Variants in PDE4A observed in about 807,000 individuals in gnomAD.
PDE4A encodes phosphodiesterase 4A.
A neutral mutation model predicts 73.9 loss-of-function variants in PDE4A; 21 were observed. That is an observed-to-expected ratio of 0.28 (90% CI 0.20 to 0.41). The LOEUF (loss-of-function observed/expected upper bound fraction) is 0.41, where lower values mean the gene tolerates loss of function less well. PDE4A is among the 10% of genes least tolerant of loss of function. The probability of loss-of-function intolerance (pLI) is 1.00; values close to 1 mark genes in which losing one functional copy is unlikely to be tolerated. For synonymous variants in PDE4A, 463 were observed against 505.4 expected, an observed-to-expected ratio of 0.92 and a Z score of 1.13; for missense variants, 958 against 1,211.4, an observed-to-expected ratio of 0.79 and a Z score of 3.10.
At position 10,457,739 on chromosome 19, in the gene PDE4A, G is replaced by A. The variant is rs2043194096; in HGVS notation, c.878-140G>A. Reference sequence around the variant, plus strand: ...ATCCCCTCTGGTTTCCTGACTCTGAGTAGCCAGCGGCATCACAGCTGAAAG... The same window carrying A: ...ATCCCCTCTGGTTTCCTGACTCTGAATAGCCAGCGGCATCACAGCTGAAAG... On this transcript the variant is annotated intron_variant, in intron 7 of 14. Coordinates refer to ENST00000380702, the MANE Select transcript of PDE4A (RefSeq NM_001111307.2). 3.5e-6 allele frequency: 5 copies of A among 1,441,530 alleles called. No homozygotes were observed. In the South Asian group the frequency reaches 7.2e-5, roughly 21 times the overall value. 89.3% of individuals were successfully genotyped at this position (1,441,530 alleles called of 1,614,324 possible). A position where few individuals can be genotyped will look rare whatever the true frequency, so the allele number is the denominator to read the frequency against.
chr19:10,435,583 C>CACACAAACACAA (rs1555729590), intron 1 of PDE4A, among the ~76,000 whole-genome samples: 2 of 151,810 alleles, frequency 1.3e-5, no homozygotes, highest in African/African-American at 4.8e-5. Flanking sequence ...CACACACACA[C>CACACAAACACAA]ACACACACAA....
chr19:10,464,006 C>T, intron 14 of PDE4A, 31 bp downstream of exon 14: 1 of 1,613,080 alleles, frequency 6.2e-7, no homozygotes, highest in Non-Finnish European at 8.5e-7. Context: ...TGGACGGGCA[C>T]AGGGTGAGTC....
upstream of PDE4A, chr19:10,417,325 G>T (rs1599390056): frequency 2.0e-6 from 2 of 984,666 alleles, no homozygotes; most frequent in East Asian, 1.1e-4. Context: ...ACCAAGAGGG[G>T]CCCTCTTAGA....
intron 14 of PDE4A, among the ~76,000 whole-genome samples, chr19:10,465,730 C>G (rs2043357906): frequency 1.0e-5 from 1 of 99,244 alleles, no homozygotes; most frequent in Admixed American, 1.4e-4. Flanking sequence ...GATGAAGTCT[C>G]ACTCTCGTTC....
Position 10,420,734 on chromosome 19 carries a change from G to A in PDE4A, c.-31G>A, listed in dbSNP as rs774417517. 14 of 1,506,980 alleles carry A rather than the reference G, an allele frequency of 9.3e-6. No homozygotes were observed. The highest frequency in any genetic ancestry group is 2.6e-5 in the East Asian group (1 of 38,574). The allele number at this position is 1,506,980 out of a possible 1,614,324, so 93.4% of individuals were successfully genotyped here. The stretch of plus-strand genomic sequence containing the variant: ...CGGGGTGTAGGTTGGAAGGGCCAGG[G>A]CCCCCTGGGGCGCAAGTGGGGGCCG... On this transcript the variant is annotated 5_prime_UTR_variant, in exon 1 of 15. Transcript: ENST00000380702. The surrounding 1 kb of genome is among the most constrained non-coding windows in gnomAD (Gnocchi z 6.0).
At chr19:10,423,012 G>A (rs1233174846) in intron 1 of PDE4A, 3 of 596,400 alleles carry the variant, frequency 5.0e-6, no homozygotes, top group African/African-American at 2.0e-5. Flanking sequence ...TATTTTGGTG[G>A]GTATCCATCT....
chr19:10,442,345 G>A (rs1421218034), intron 1 of PDE4A, among the ~76,000 whole-genome samples: 2 of 152,054 alleles, frequency 1.3e-5, no homozygotes, highest in Non-Finnish European at 2.9e-5. Context: ...CCAACGTGGT[G>A]AAACCCTGAC....
At position 10,461,700 on chromosome 19, in the gene PDE4A, G is replaced by T; in HGVS notation, c.1620+20G>T. ...GACATGGTGGGCGGGGCTGGGGCGG[G>T]ACGGAGCGGGAAAGGAAGCCTAGGA... is the stretch of plus-strand genomic sequence containing the variant. On this transcript the variant is annotated intron_variant, in intron 12 of 14. Transcript: ENST00000380702. 2 of 598,452 alleles carry T rather than the reference G, an allele frequency of 3.3e-6. No individual in the cohort carries two copies. Among genetic ancestry groups the T allele is most frequent in the South Asian group, 1.4e-5 (1 of 72,086 alleles). The allele number at this position is 598,452 out of a possible 1,614,324, so 37.1% of individuals were successfully genotyped here.
chr19:10,418,413 A>G (rs1040389285), upstream of PDE4A, among the ~76,000 whole-genome samples: 9 of 152,030 alleles, frequency 5.9e-5, no homozygotes, highest in Non-Finnish European at 1.2e-4. Flanking sequence ...AATGAGCTGG[A>G]AAGTCAGACA....
rs532620265 is a variant in PDE4A at position 10,434,093 on chromosome 19, C to T, written c.321-12125C>T. Among the ~76,000 whole-genome samples, 81 of 152,254 alleles carry T rather than the reference C, an allele frequency of 5.3e-4. No individual in the cohort carries two copies. In the Middle Eastern group the frequency reaches 0.014, roughly 26 times the overall value. On this transcript the variant is annotated intron_variant, in intron 1 of 14. Transcript: ENST00000380702. ...AAAATAAATAAATTTTAAAAGAAAT[C>T]CATGCTCTGCTACTAATAACCATAG... is the stretch of plus-strand genomic sequence containing the variant.
At chr19:10,454,721 A>G (rs2043145354) in intron 6 of PDE4A, 108 bp from the exon 7 acceptor site, 1 of 1,568,950 alleles carries the variant, frequency 6.4e-7, no homozygotes. Context: ...CTGAGCAGAA[A>G]AATAGGAGGG....
rs550993138 is a variant in PDE4A, at chr19:10,458,481, A to G, written c.1101+379A>G. ...CAGTCCAGACCGGTGTTTCACTCCT[A>G]GCTCTTCCAGGGGACAGCGGCAGTG... On this transcript the variant is annotated intron_variant, in intron 8 of 14. Coordinates refer to ENST00000380702, the MANE Select transcript of PDE4A (RefSeq NM_001111307.2). This position sits in a 1 kb window ranked among gnomAD's most constrained non-coding sequence, Gnocchi z 4.6. 6.6e-5 allele frequency among the ~76,000 whole-genome samples: 10 copies of G among 152,286 alleles called. No homozygotes were observed. The East Asian group carries it at 1.9e-3, about 29-fold the overall frequency.
At chr19:10,421,727 A>G (rs1159806189) in intron 1 of PDE4A, among the ~76,000 whole-genome samples, 1 of 152,106 alleles carries the variant, frequency 6.6e-6, no homozygotes, top group Non-Finnish European at 1.5e-5. Context: ...GGCAGGAAAC[A>G]GTGGAGGGGG....
chr19:10,420,320 C>A, upstream of PDE4A: 2 of 938,008 alleles, frequency 2.1e-6, no homozygotes, highest in Non-Finnish European at 2.5e-6. This position sits in a 1 kb window ranked among gnomAD's most constrained non-coding sequence, Gnocchi z 6.0. Flanking sequence ...GCTTTGAAGA[C>A]AGACGAGTTC....
Position 10,459,670 on chromosome 19 carries a change from T to C in PDE4A, c.1276T>C (p.Tyr426His), listed in dbSNP as rs149107875. 6.2e-7 allele frequency: 1 copy of C among 1,614,110 alleles called. No individual in the cohort carries two copies. Among genetic ancestry groups the C allele is most frequent in the African/African-American group, 1.3e-5 (1 of 74,944 alleles). Residue 426 changes from tyrosine to histidine, a missense_variant, in exon 10 of 15, where the codon TAC (tyrosine) becomes CAC (histidine). This residue lies in a region of PDE4A where 570 missense variants were observed against 827.7 expected (regional missense o/e 0.69). Coordinates refer to ENST00000380702, the MANE Select transcript of PDE4A (RefSeq NM_001111307.2). ...VTYMLTLEDH[Y>H]HADVAYHNSL... Reference sequence around the variant, plus strand: ...ATACATGCTGACGCTGGAGGATCACTACCACGCTGACGTGGCCTACCATAA... The same window carrying C: ...ATACATGCTGACGCTGGAGGATCACCACCACGCTGACGTGGCCTACCATAA...
Position 10,467,319 on chromosome 19 carries a change from G to C in PDE4A, c.2359G>C (p.Gly787Arg). The stretch of plus-strand genomic sequence containing the variant: ...TTTGACACAGCAGGCACAGTCCACA[G>C]GCAGTGCACCTGTGGCTCCGGATGA... The part of the protein sequence containing the change: ...VYLTQQAQST[G>R]SAPVAPDEFS... The change falls in exon 15 of 15, where the codon GGC (glycine) becomes CGC (arginine). Residue 787 changes from glycine to arginine, a missense_variant. This residue lies in a region of PDE4A where 243 missense variants were observed against 245.9 expected (regional missense o/e 0.99). Coordinates refer to ENST00000380702, the MANE Select transcript of PDE4A (RefSeq NM_001111307.2). The C allele has an allele frequency of 6.2e-7, 1 of 1,614,202 alleles. No homozygotes were observed. The highest frequency in any genetic ancestry group is 2.2e-5 in the East Asian group (1 of 44,882).
chr19:10,457,944 C>T lies in PDE4A; in HGVS notation c.943C>T (p.Arg315Ter). 1.9e-6 allele frequency: 3 copies of T among 1,613,388 alleles called. No homozygotes were observed. Among genetic ancestry groups the T allele is most frequent in the Non-Finnish European group, 1.7e-6 (2 of 1,180,030 alleles). Residue 315 changes from arginine to a stop codon, truncating the protein, a stop_gained, in exon 8 of 15, where the codon CGA becomes TGA. Transcript: ENST00000380702. LOFTEE classifies it high-confidence loss of function. ...GGAACGAGAAAAACAGCAAGCGCCG[C>T]GACCAAGACCCTCCCAGCCGCCCCC... The part of the protein sequence containing the change: ...MKEREKQQAP[R>*]PRPSQPPPPP...
intron 4 of PDE4A, 112 bp from the exon 5 acceptor site, chr19:10,450,491 C>A (rs2043072189): frequency 6.8e-7 from 1 of 1,470,128 alleles, no homozygotes; most frequent in East Asian, 2.5e-5. Context: ...GTCCTTAGGA[C>A]ACGGTGAGTT....
At chr19:10,435,216 C>T (rs1568368906) in intron 1 of PDE4A, among the ~76,000 whole-genome samples, 2 of 151,938 alleles carry the variant, frequency 1.3e-5, no homozygotes, top group Admixed American at 6.6e-5. Flanking sequence ...CTAGGGGCCA[C>T]GTGGAGGGGG....
Sources: allele counts gnomAD v4.1 joint callset (sites outside exome capture counted in the v4.1 genomes callset), GRCh38; gene constraint gnomAD v4.1.1; regional missense constraint gnomAD v4.1.1; non-coding constraint Gnocchi (gnomAD v3.1); transcripts MANE v1.5; gene names NCBI Gene and HGNC (gene_info 2026-07-23, HGNC 2026-07-21).